STPG2: variants seen among roughly 807,000 people sequenced by gnomAD.
STPG2 encodes sperm tail PG-rich repeat containing 2, also known as sperm-tail PG-rich repeat-containing protein 2.
Under a neutral mutation model 54.2 loss-of-function variants are expected in STPG2, and 56 were observed. That is an observed-to-expected ratio of 1.03 (90% CI 0.83 to 1.29). STPG2 has a LOEUF of 1.29. Among genes scored for constraint, STPG2 ranks in the 50% most tolerant of loss-of-function variants. The pLI, the probability that STPG2 is intolerant of heterozygous loss-of-function variation, is 0.00. For synonymous variants in STPG2, 200 were observed against 181.8 expected (o/e 1.10, Z -0.81); for missense variants, 596 against 544.9 (o/e 1.09, Z -0.93).
At chr4:97,543,962 A>T (rs1454522555) in intron 4 of STPG2, among the ~76,000 whole-genome samples, 1 of 152,098 alleles carries the variant, frequency 6.6e-6, no homozygotes, top group Admixed American at 6.6e-5. Context: ...CTTCAATGAG[A>T]AACACCTCCA....
intron 8 of STPG2, among the ~76,000 whole-genome samples, chr4:97,878,225 G>T (rs1474911861): frequency 6.6e-6 from 1 of 152,182 alleles, no homozygotes; most frequent in Non-Finnish European, 1.5e-5. Context: ...CAGGTGCACA[G>T]TGCAAGCTGT....
At chr4:97,552,128 C>A (rs1034435572) in intron 4 of STPG2, among the ~76,000 whole-genome samples, 8 of 151,998 alleles carry the variant, frequency 5.3e-5, no homozygotes, top group African/African-American at 1.9e-4. Flanking sequence ...TATTGTATAG[C>A]CAATATTCAA....
At chr4:97,716,642 T>C (rs1185058785) in intron 9 of STPG2, among the ~76,000 whole-genome samples, 2 of 143,628 alleles carry the variant, frequency 1.4e-5, no homozygotes, top group Non-Finnish European at 3.0e-5. Flanking sequence ...AAGTGGGAGA[T>C]GAACAATGAG....
chr4:98,002,830 T>C (rs1227582435), intron 5 of STPG2, among the ~76,000 whole-genome samples: 1 of 152,058 alleles, frequency 6.6e-6, no homozygotes, highest in Non-Finnish European at 1.5e-5. Context: ...AATGGGTAAT[T>C]AGTGCACATG....
At chr4:97,891,666 G>T in intron 8 of STPG2, among the ~76,000 whole-genome samples, 1 of 151,614 alleles carries the variant, frequency 6.6e-6, no homozygotes, top group Middle Eastern at 3.2e-3. Context: ...TTTCCTACAA[G>T]TAGAAAAAAA....
intron 9 of STPG2, among the ~76,000 whole-genome samples, chr4:97,774,591 C>A (rs1203472607): frequency 1.3e-5 from 2 of 152,066 alleles, no homozygotes; most frequent in African/African-American, 4.8e-5. Context: ...CTGTTGTCCA[C>A]AACTTCACTG....
intron 7 of STPG2, among the ~76,000 whole-genome samples, chr4:97,945,381 G>C (rs1733169209): frequency 6.6e-6 from 1 of 152,112 alleles, no homozygotes; most frequent in African/African-American, 2.4e-5. Flanking sequence ...TGCTGCAGAA[G>C]ATATTATGTT....
intron 5 of STPG2, among the ~76,000 whole-genome samples, chr4:98,013,812 A>C (rs1179632940): frequency 6.6e-6 from 1 of 151,652 alleles, no homozygotes; most frequent in Non-Finnish European, 1.5e-5. Context: ...GTCAGTGGTG[A>C]TATCCCCTTT....
intron 6 of STPG2, among the ~76,000 whole-genome samples, chr4:97,976,352 A>T (rs1734498849): frequency 6.6e-6 from 1 of 152,200 alleles, no homozygotes; most frequent in Admixed American, 6.5e-5. Context: ...CTGGCTCAAG[A>T]GCATAACATA....
intron 3 of STPG2, among the ~76,000 whole-genome samples, chr4:98,126,880 T>C (rs183951922): frequency 6.6e-5 from 10 of 152,124 alleles, no homozygotes; most frequent in Non-Finnish European, 1.5e-4. Flanking sequence ...GAGTGAAGGA[T>C]AGGATTATTA....
At chr4:97,792,130 A>C (rs906757180) in intron 9 of STPG2, among the ~76,000 whole-genome samples, 1 of 152,196 alleles carries the variant, frequency 6.6e-6, no homozygotes, top group Non-Finnish European at 1.5e-5. Flanking sequence ...TAAACATTAA[A>C]TAGAGTGATA....
chr4:97,921,424 T>C (rs1669747), intron 8 of STPG2, among the ~76,000 whole-genome samples: 14,303 of 151,748 alleles, frequency 0.094, 915 homozygotes, highest in Middle Eastern at 0.2. Flanking sequence ...TAAAACAATA[T>C]GGAAACAAAA....
intron 5 of STPG2, among the ~76,000 whole-genome samples, chr4:97,990,711 G>A (rs181476928): frequency 2.9e-4 from 44 of 152,176 alleles, no homozygotes; most frequent in Middle Eastern, 6.8e-3. Flanking sequence ...GTATACTGCC[G>A]TGGAAACAAA....
At chr4:97,755,683 T>C (rs1457046176) in intron 9 of STPG2, among the ~76,000 whole-genome samples, 4 of 152,162 alleles carry the variant, frequency 2.6e-5, no homozygotes, top group African/African-American at 9.7e-5. Context: ...GCTAAACCTT[T>C]ATATTAAGTT....
At chr4:97,709,985 G>C (rs1724063011) in intron 10 of STPG2, among the ~76,000 whole-genome samples, 1 of 151,900 alleles carries the variant, frequency 6.6e-6, no homozygotes, top group Non-Finnish European at 1.5e-5. Context: ...GCCAGATTCT[G>C]TGGGTGGAAC....
At chr4:97,593,218 C>G (rs981615383) in intron 10 of STPG2, among the ~76,000 whole-genome samples, 1 of 152,060 alleles carries the variant, frequency 6.6e-6, no homozygotes, top group Non-Finnish European at 1.5e-5. Context: ...CAGAGCAGCC[C>G]CTGCCGACAG....
At chr4:98,087,247 A>G (rs893110867) in intron 5 of STPG2, among the ~76,000 whole-genome samples, 11 of 152,024 alleles carry the variant, frequency 7.2e-5, no homozygotes, top group Non-Finnish European at 1.3e-4. Flanking sequence ...GAACAACAAG[A>G]GAGTTCTGTA....
chr4:97,600,041 T>C (rs1043121057), intron 10 of STPG2, among the ~76,000 whole-genome samples: 1 of 151,818 alleles, frequency 6.6e-6, no homozygotes, highest in African/African-American at 2.4e-5. Context: ...AAACATTGAG[T>C]ACACATGGAC....
At chr4:97,643,242 A>G (rs1422808233) in intron 10 of STPG2, among the ~76,000 whole-genome samples, 1 of 151,594 alleles carries the variant, frequency 6.6e-6, no homozygotes, top group African/African-American at 2.4e-5. Context: ...ACAACCTTTT[A>G]AAGATATTGC....
Sources: gnomAD v4.1 joint callset for allele counts (sites outside exome capture counted in the v4.1 genomes callset) on GRCh38, gnomAD v4.1.1 for gene constraint, MANE v1.5 for transcripts, NCBI Gene and HGNC (gene_info 2026-07-23, HGNC 2026-07-21) for gene names.